The following ZFHX2 variants were observed in gnomAD, a reference collection of about 807,000 sequenced individuals.
The protein encoded by ZFHX2 is zinc finger homeobox protein 2.
In ZFHX2, 75 loss-of-function variants were observed where a neutral mutation model predicts 164.8. The observed-to-expected ratio is 0.46, with a 90% CI of 0.38 to 0.55. ZFHX2 has a LOEUF of 0.55. Ranked by LOEUF, ZFHX2 falls within the 20% of genes least tolerant of loss-of-function variation. The probability of loss-of-function intolerance (pLI) is 0.00; values close to 1 mark genes in which losing one functional copy is unlikely to be tolerated. For missense variants in ZFHX2, 2,933 were observed against 3,308.0 expected, an observed-to-expected ratio of 0.89 and a Z score of 2.78; for synonymous variants, 1,217 against 1,351.4, an observed-to-expected ratio of 0.90 and a Z score of 2.18.
chr14:23,525,438 C>T lies in ZFHX2; in HGVS notation c.4504G>A (p.Val1502Ile). 1.3e-6 allele frequency: 2 copies of T among 1,536,126 alleles called. No individual in the cohort carries two copies. The highest frequency in any genetic ancestry group is 2.4e-5 in the East Asian group (1 of 40,900). Residue 1502 changes from valine (V) to isoleucine (I), a missense_variant, in exon 9 of 10, where the codon GTC (valine) becomes ATC (isoleucine). Physicochemically the swap from Val to Ile is conservative, Grantham distance 29. Coordinates refer to ENST00000419474, the MANE Select transcript of ZFHX2 (RefSeq NM_033400.3). The surrounding 1 kb of genome is among the most constrained non-coding windows in gnomAD (Gnocchi z 5.9). ...TCAAAGGGCAGAAAGCGGCGGTGGA[C>T]ATGTTCCTCGTGTGTCTTGAGGATA... ...MLILKTHEEH[V>I]HRRFLPFEAL...
chr14:23,526,166 T>C lies in ZFHX2; in HGVS notation c.3776A>G (p.Gln1259Arg), dbSNP rs1878682759. The part of the protein sequence containing the change: ...KCTVCRVSYN[Q>R]SSTLEIHMRS... ...CATGTGGATCTCCAGGGTGGAGCTC[T>C]GGTTGTAGGAGACTCTGCAGACTGT... is the stretch of plus-strand genomic sequence containing the variant. Residue 1259 changes from glutamine (Q) to arginine (R), a missense_variant, in exon 9 of 10, where the codon CAG becomes CGG. Gln to Arg is a conservative substitution (Grantham distance 43). Transcript: ENST00000419474. 3 of 1,536,530 alleles carry C rather than the reference T, an allele frequency of 2.0e-6. No homozygotes were observed. The highest frequency in any genetic ancestry group is 2.6e-6 in the Non-Finnish European group (3 of 1,146,928).
rs531212107 is a variant in ZFHX2 at position 23,521,740 on chromosome 14, C to G, written c.*222G>C. 2.0e-5 allele frequency: 15 copies of G among 743,282 alleles called. No individual in the cohort carries two copies. In the Admixed American group the frequency reaches 3.0e-4, roughly 15 times the overall value. The allele number at this position is 743,282 out of a possible 1,614,324, so 46.0% of individuals were successfully genotyped here. Reference sequence around the variant, plus strand: ...GGGCAAGGGCTACATCTGCAAGGAGCTGAGGAGGAGGATCAATGTGTGTGT... The same window carrying G: ...GGGCAAGGGCTACATCTGCAAGGAGGTGAGGAGGAGGATCAATGTGTGTGT... On this transcript the variant is annotated 3_prime_UTR_variant, in exon 10 of 10. Coordinates refer to ENST00000419474, the MANE Select transcript of ZFHX2 (RefSeq NM_033400.3).
rs1009448204 is a variant in ZFHX2, at chr14:23,527,505, C to T, written c.3135+99G>A. 1.9e-5 allele frequency: 28 copies of T among 1,456,282 alleles called. No homozygotes were observed. In the African/African-American group the frequency reaches 3.5e-4, roughly 18 times the overall value. 90.2% of individuals were successfully genotyped at this position (1,456,282 alleles called of 1,614,324 possible). On this transcript the variant is annotated intron_variant, in intron 7 of 9. Transcript: ENST00000419474. Reference sequence around the variant, plus strand: ...GCACTTGCCTGAATGCCCCCTGCCCCCAACACATGCACCTGCCTGAATACC... The same window carrying T: ...GCACTTGCCTGAATGCCCCCTGCCCTCAACACATGCACCTGCCTGAATACC...
chr14:23,529,913 G>A lies in ZFHX2; in HGVS notation c.2876-145C>T, dbSNP rs76837556. On this transcript the variant is annotated intron_variant, in intron 5 of 9. Coordinates refer to ENST00000419474, the MANE Select transcript of ZFHX2 (RefSeq NM_033400.3). ...GTGAGGCTTGGCAAGGGCTGACTCC[G>A]GGTCAGTAGGATGGTCAGGTCTGAG... is the stretch of plus-strand genomic sequence containing the variant. 2,836 of 984,468 alleles carry A rather than the reference G, an allele frequency of 2.9e-3. 69 individuals carry two copies. The African/African-American group carries it at 0.039, about 14-fold the overall frequency. 61.0% of individuals were successfully genotyped at this position (984,468 alleles called of 1,614,324 possible). A position where few individuals can be genotyped will look rare whatever the true frequency, so the allele number is the denominator to read the frequency against.
intron 1 of ZFHX2, among the ~76,000 whole-genome samples, chr14:23,537,261 C>T (rs141580061): frequency 3.3e-5 from 5 of 151,942 alleles, no homozygotes; most frequent in African/African-American, 7.3e-5. Context: ...GAACCTCCCC[C>T]TCAAACTCAC....
Position 23,527,797 on chromosome 14 carries a change from C to T in ZFHX2, c.2942G>A (p.Cys981Tyr), listed in dbSNP as rs1878941774. 3 of 1,535,186 alleles carry T rather than the reference C, an allele frequency of 2.0e-6. No homozygotes were observed. The change falls in exon 7 of 10, where the codon TGC (cysteine) becomes TAC (tyrosine). Residue 981 changes from cysteine to tyrosine, a missense_variant. By Grantham distance (194) the Cys-to-Tyr change is radical. Transcript: ENST00000419474. Reference protein sequence around the residue: ...RDSANQTTVYCCPYCSFLSPE... With the variant: ...RDSANQTTVYYCPYCSFLSPE... The stretch of plus-strand genomic sequence containing the variant: ...GCTCAGGAAGCTGCAGTATGGACAG[C>T]AGTATACCTGGAGGGAACATATGGG...
In ZFHX2 at chr14:23,534,637, C is replaced by T; in HGVS notation, c.689G>A (p.Gly230Asp). The T allele has an allele frequency of 6.5e-7, 1 of 1,536,170 alleles. No homozygotes were observed. The highest frequency in any genetic ancestry group is 8.7e-7 in the Non-Finnish European group (1 of 1,146,920). ...PKDGPMGNSG[G>D]NHVAVFWLCL... is the part of the protein sequence containing the mutation. The stretch of plus-strand genomic sequence containing the variant: ...GAGCCAGAAGACCGCCACGTGGTTG[C>T]CCCCGCTGTTCCCCATGGGGCCATC... The change falls in exon 2 of 10, where the codon GGC (glycine) becomes GAC (aspartate). Residue 230 changes from glycine to aspartate, a missense_variant. Coordinates refer to ENST00000419474, the MANE Select transcript of ZFHX2 (RefSeq NM_033400.3). This position sits in a 1 kb window ranked among gnomAD's most constrained non-coding sequence, Gnocchi z 4.5.
chr14:23,535,669 C>T lies in ZFHX2; in HGVS notation c.-49-295G>A, dbSNP rs920655903. ...GTGCAATGGCGTGATCTCGGCTCAC[C>T]GCAACCTCCACCTCCTGGGTTCAAG... On this transcript the variant is annotated intron_variant, in intron 1 of 9. Transcript: ENST00000419474. The surrounding 1 kb of genome is among the most constrained non-coding windows in gnomAD (Gnocchi z 4.5). Among the ~76,000 whole-genome samples, 2 of 151,800 alleles carry T rather than the reference C, an allele frequency of 1.3e-5. No individual in the cohort carries two copies. Among genetic ancestry groups the T allele is most frequent in the African/African-American group, 4.8e-5 (2 of 41,266 alleles).
rs540031049 is a variant in ZFHX2, at chr14:23,546,717, C to T, written c.-50+4626G>A. ...CTGACCGAGCTTAGTGTGAGGAGCT[C>T]GAGAAGAAAGATGGAAAAATCAATG... On this transcript the variant is annotated intron_variant, in intron 1 of 9. Transcript: ENST00000419474. This position sits in a 1 kb window ranked among gnomAD's most constrained non-coding sequence, Gnocchi z 4.7. Among the ~76,000 whole-genome samples the T allele has an allele frequency of 1.1e-4, 17 of 152,106 alleles. No homozygotes were observed. The highest frequency in any genetic ancestry group is 1.7e-4 in the African/African-American group (7 of 41,472).
intron 6 of ZFHX2, 101 bp from the exon 7 acceptor site, chr14:23,527,905 T>C (rs1878971905): frequency 1.4e-6 from 1 of 715,792 alleles, no homozygotes; most frequent in Non-Finnish European, 2.0e-6. Context: ...CCACTCCTTT[T>C]TTTTTTTTTT....
Position 23,522,349 on chromosome 14 carries a change from G to C in ZFHX2, c.7332C>G (p.Thr2444=). ...ELLTGSTGIS[T]VDVTHRYLCR... is the part of the protein sequence containing the mutation. ...ACAGGTAGCGATGGGTTACATCCAC[G>C]GTGGAGATGCCAGTGCTGCCTGTCA... The change falls in exon 10 of 10, where the codon ACC becomes ACG. Residue 2444 remains threonine (T), a synonymous_variant. Coordinates refer to ENST00000419474, the MANE Select transcript of ZFHX2 (RefSeq NM_033400.3). 3 of 1,535,672 alleles carry C rather than the reference G, an allele frequency of 2.0e-6. No individual in the cohort carries two copies. Among genetic ancestry groups the C allele is most frequent in the Non-Finnish European group, 2.6e-6 (3 of 1,146,662 alleles).
rs1022264246 is a variant in ZFHX2, at chr14:23,524,174, C to T, written c.5768G>A (p.Gly1923Glu). The T allele has an allele frequency of 4.6e-6, 7 of 1,535,972 alleles. No individual in the cohort carries two copies. Among genetic ancestry groups the T allele is most frequent in the South Asian group, 1.2e-5 (1 of 84,068 alleles). ...CGGTTTCACTGCTGGACTAGGCACC[C>T]CCCCAGGGGTGCTTCGAAACTGGCC... ...RKGQFRSTPG[G>E]VPSPAVKPPA... The change falls in exon 9 of 10, where the codon GGG becomes GAG. Residue 1923 changes from glycine to glutamate, a missense_variant. Physicochemically the swap from Gly to Glu is moderately conservative, Grantham distance 98. Transcript: ENST00000419474. The surrounding 1 kb of genome is among the most constrained non-coding windows in gnomAD (Gnocchi z 5.6).
Position 23,533,670 on chromosome 14 carries a change from T to C in ZFHX2, c.1656A>G (p.Ala552=), listed in dbSNP as rs1208451740. Residue 552 remains alanine, a synonymous_variant, in exon 2 of 10, where the codon GCA becomes GCG. Coordinates refer to ENST00000419474, the MANE Select transcript of ZFHX2 (RefSeq NM_033400.3). The surrounding 1 kb of genome is among the most constrained non-coding windows in gnomAD (Gnocchi z 4.8). Reference sequence around the variant, plus strand: ...TGTCTCCCGCGGAGGGTGGGAGTGATGCCTCTGGTGGACTTCCCTGCCCAC... The same window carrying C: ...TGTCTCCCGCGGAGGGTGGGAGTGACGCCTCTGGTGGACTTCCCTGCCCAC... The part of the protein sequence containing the change: ...GPGGQGSPPE[A]SLPPSAGDKE... 1 of 1,537,808 alleles carries C rather than the reference T, an allele frequency of 6.5e-7. No individual in the cohort carries two copies. The highest frequency in any genetic ancestry group is 8.7e-7 in the Non-Finnish European group (1 of 1,147,574).
In ZFHX2 at chr14:23,534,006, G is replaced by T; in HGVS notation, c.1320C>A (p.His440Gln). The change falls in exon 2 of 10, where the codon CAC (histidine) becomes CAA (glutamine). Residue 440 changes from histidine (H) to glutamine (Q), a missense_variant. Physicochemically the swap from His to Gln is conservative, Grantham distance 24. Coordinates refer to ENST00000419474, the MANE Select transcript of ZFHX2 (RefSeq NM_033400.3). This position sits in a 1 kb window ranked among gnomAD's most constrained non-coding sequence, Gnocchi z 4.5. ...AAFQGLSLSS[H>Q]MSLLHSRNSC... is the part of the protein sequence containing the mutation. ...AGTTGCGTGAGTGGAGCAGGGACAT[G>T]TGGCTGGACAGGCTGAGGCCCTGGA... The T allele has an allele frequency of 6.5e-7, 1 of 1,537,218 alleles. No homozygotes were observed. Among genetic ancestry groups the T allele is most frequent in the East Asian group, 2.4e-5 (1 of 40,902 alleles).
intron 1 of ZFHX2, among the ~76,000 whole-genome samples, chr14:23,539,434 T>C (rs936189178): frequency 6.6e-6 from 1 of 152,130 alleles, no homozygotes; most frequent in African/African-American, 2.4e-5. Flanking sequence ...AGAAATGTGA[T>C]GAGACAGAGA....
At chr14:23,539,827 G>GC (rs1880601065) in intron 1 of ZFHX2, among the ~76,000 whole-genome samples, 1 of 152,186 alleles carries the variant, frequency 6.6e-6, no homozygotes, top group Non-Finnish European at 1.5e-5. Context: ...AGTTGGCAGG[G>GC]CTAATGGGAC....
Position 23,524,026 on chromosome 14 carries a change from C to T in ZFHX2, c.5916G>A (p.Thr1972=), listed in dbSNP as rs758377234. Residue 1972 remains threonine (T), a synonymous_variant, in exon 9 of 10, where the codon ACG becomes ACA. Coordinates refer to ENST00000419474, the MANE Select transcript of ZFHX2 (RefSeq NM_033400.3). The surrounding 1 kb of genome is among the most constrained non-coding windows in gnomAD (Gnocchi z 5.6). The stretch of plus-strand genomic sequence containing the variant: ...GGAAAGGCTGGGGCCCAGAAGCAAG[C>T]GTGGCAGTGGGGTAGGGAAAAGCAG... ...EAPAFPYPTA[T]LASGPQPFLP... 28 of 1,514,586 alleles carry T rather than the reference C, an allele frequency of 1.8e-5. No individual in the cohort carries two copies. The highest frequency in any genetic ancestry group is 1.7e-4 in the Middle Eastern group (1 of 5,884). The allele number at this position is 1,514,586 out of a possible 1,614,324, so 93.8% of individuals were successfully genotyped here.
intron 1 of ZFHX2, among the ~76,000 whole-genome samples, chr14:23,539,621 C>A (rs1880576355): frequency 6.6e-6 from 1 of 152,178 alleles, no homozygotes; most frequent in African/African-American, 2.4e-5. Flanking sequence ...GAATCTGCCC[C>A]TCGCTGAAGA....
Position 23,534,942 on chromosome 14 carries a change from C to G in ZFHX2, c.384G>C (p.Leu128=), listed in dbSNP as rs773118279. The G allele has an allele frequency of 8.5e-6, 13 of 1,536,180 alleles. No homozygotes were observed. Among genetic ancestry groups the G allele is most frequent in the South Asian group, 7.1e-5 (6 of 84,068 alleles). ...GGAGTTCACTGCCACCTGGCAGGGACAGCTTGGCCACTAGGTAGGCCTCAC... is the reference window on the plus strand; with the variant it reads ...GGAGTTCACTGCCACCTGGCAGGGAGAGCTTGGCCACTAGGTAGGCCTCAC... ...AGGEAYLVAK[L]SLPGGSELLL... is the part of the protein sequence containing the mutation. Residue 128 remains leucine, a synonymous_variant, in exon 2 of 10, where the codon CTG becomes CTC. Coordinates refer to ENST00000419474, the MANE Select transcript of ZFHX2 (RefSeq NM_033400.3). The surrounding 1 kb of genome is among the most constrained non-coding windows in gnomAD (Gnocchi z 4.5).
Sources: gnomAD v4.1 joint callset for allele counts (sites outside exome capture counted in the v4.1 genomes callset) on GRCh38, gnomAD v4.1.1 for gene constraint, Gnocchi (gnomAD v3.1) non-coding constraint, MANE v1.5 for transcripts, NCBI Gene and HGNC (gene_info 2026-07-23, HGNC 2026-07-21) for gene names.